NECAB3: variants seen among roughly 807,000 people sequenced by gnomAD.
NECAB3 encodes the protein N-terminal EF-hand calcium-binding protein 3.
In NECAB3, 38 loss-of-function variants were observed where a neutral mutation model predicts 57.2. The ratio of observed to expected loss-of-function variants is 0.66; its 90% confidence interval spans 0.51 to 0.87. NECAB3 has a LOEUF of 0.87. Ranked by LOEUF, NECAB3 falls within the 40% of genes least tolerant of loss-of-function variation. The pLI is 0.00. For missense variants in NECAB3, 474 were observed against 527.5 expected, an observed-to-expected ratio of 0.90 and a Z score of 0.99; for synonymous variants, 223 against 222.6, an observed-to-expected ratio of 1.00 and a Z score of -0.02.
chr20:33,667,520 C>T (rs1366409833), intron 5 of NECAB3: 41 of 1,527,930 alleles, frequency 2.7e-5, no homozygotes, highest in Non-Finnish European at 3.3e-5. Context: ...GCGTTGCTGG[C>T]GCTCTGCTCC....
At chr20:33,669,992 T>G (rs1476231435) in intron 3 of NECAB3, among the ~76,000 whole-genome samples, 2 of 152,038 alleles carry the variant, frequency 1.3e-5, no homozygotes, top group Non-Finnish European at 2.9e-5. Flanking sequence ...CACAGGCCAG[T>G]GAGAAGTGGT....
intron 7 of NECAB3, 62 bp downstream of exon 7, chr20:33,659,823 C>G (rs540551906): frequency 6.5e-7 from 1 of 1,533,388 alleles, no homozygotes; most frequent in South Asian, 1.2e-5. Flanking sequence ...GGAGCGGGCC[C>G]TGGGGGAAGG....
intron 3 of NECAB3, chr20:33,670,253 C>T (rs1430106270): frequency 4.5e-5 from 8 of 179,432 alleles, no homozygotes; most frequent in Admixed American, 1.1e-4. Context: ...GGAGTAACAG[C>T]GGTTCATGCG....
At chr20:33,667,690 C>G in intron 5 of NECAB3, 1 of 1,612,120 alleles carries the variant, frequency 6.2e-7, no homozygotes, top group Non-Finnish European at 8.5e-7. Context: ...GGCGGCGAAC[C>G]CTGACCTCTT....
chr20:33,673,203 C>T (rs1253605286), intron 1 of NECAB3, among the ~76,000 whole-genome samples: 1 of 152,152 alleles, frequency 6.6e-6, no homozygotes, highest in Non-Finnish European at 1.5e-5. Context: ...CCAGGTCACC[C>T]AAAGCAGCCC....
At chr20:33,671,395 G>A (rs748255174) in intron 2 of NECAB3, among the ~76,000 whole-genome samples, 12 of 152,100 alleles carry the variant, frequency 7.9e-5, no homozygotes, top group Non-Finnish European at 1.3e-4. Flanking sequence ...AGATGGGTGC[G>A]GGGAGCTGAC....
intron 5 of NECAB3, chr20:33,667,545 C>A: frequency 6.5e-7 from 1 of 1,546,082 alleles, no homozygotes; most frequent in Non-Finnish European, 8.7e-7. Flanking sequence ...GCGCGTTCAG[C>A]GGGCTGGCCG....
chr20:33,667,612 C>G (rs1478443431), intron 5 of NECAB3: 1 of 1,592,160 alleles, frequency 6.3e-7, no homozygotes, highest in African/African-American at 1.3e-5. Flanking sequence ...TCACTCGTGG[C>G]ACCAGGCCAC....
intron 5 of NECAB3, chr20:33,663,357 C>A (rs966925278): frequency 6.2e-6 from 4 of 649,734 alleles, no homozygotes; most frequent in Admixed American, 3.5e-5. Context: ...CGGGCTTCCC[C>A]GCGGCCTGAA....
At position 33,674,378 on chromosome 20, in the gene NECAB3, C is replaced by T. The variant is rs2017905879; in HGVS notation, c.-26G>A. On this transcript the variant is annotated 5_prime_UTR_variant, in exon 1 of 12. Coordinates refer to ENST00000246190, the MANE Select transcript of NECAB3 (RefSeq NM_031232.4). ...GGCGCCGCCACCCGCTCGGGCTCGG[C>T]TGCGGTTGCTGCCGACCCTGGACGC... The T allele has an allele frequency of 3.5e-6, 4 of 1,158,076 alleles. No individual in the cohort carries two copies. Among genetic ancestry groups the T allele is most frequent in the Non-Finnish European group, 4.3e-6 (4 of 940,832 alleles). The allele number at this position is 1,158,076 out of a possible 1,614,324, so 71.7% of individuals were successfully genotyped here. A position where few individuals can be genotyped will look rare whatever the true frequency, so the allele number is the denominator to read the frequency against.
chr20:33,663,686 C>T (rs778877884), intron 5 of NECAB3: 1 of 1,584,144 alleles, frequency 6.3e-7, no homozygotes, highest in Admixed American at 1.8e-5. Flanking sequence ...CCGAGGATGC[C>T]GGTACTGCTG....
intron 5 of NECAB3, chr20:33,668,080 C>T: frequency 6.3e-7 from 1 of 1,589,108 alleles, no homozygotes; most frequent in Non-Finnish European, 8.6e-7. Flanking sequence ...CTACGCGGCC[C>T]TGCGGCCCCA....
In NECAB3 at chr20:33,659,970, C is replaced by G. The variant is rs201576067; in HGVS notation, c.558G>C (p.Arg186Ser). The change falls in exon 7 of 12, where the codon AGG becomes AGC. Residue 186 changes from arginine (R) to serine (S), a missense_variant. Transcript: ENST00000246190. ...SDAESVEAQSRLCGSRRAGRR... is the reference protein window; with the variant it reads ...SDAESVEAQSSLCGSRRAGRR... ...GTCCTGCCCGCCGGCTGCCGCAGAG[C>G]CTGCTCTGCGCCTCCACGCTCTCTG... The G allele has an allele frequency of 1.7e-4, 272 of 1,564,466 alleles. 2 individuals carry two copies. Among genetic ancestry groups the G allele is most frequent in the Non-Finnish European group, 2.3e-4 (263 of 1,157,456 alleles).
At chr20:33,658,331 T>G in intron 10 of NECAB3, 146 bp downstream of exon 10, 1 of 840,272 alleles carries the variant, frequency 1.2e-6, no homozygotes, top group Non-Finnish European at 1.9e-6. Context: ...TCACTTCCAT[T>G]TTGGAAAGGA....
chr20:33,667,576 T>TGCCAC (rs1339606082), intron 5 of NECAB3: 6 of 1,561,138 alleles, frequency 3.8e-6, no homozygotes, highest in East Asian at 4.8e-5. Context: ...CGCGGGCGTG[T>TGCCAC]GCCACGCCAC....
intron 5 of NECAB3, chr20:33,667,320 C>A: frequency 1.3e-6 from 1 of 794,296 alleles, no homozygotes; most frequent in Non-Finnish European, 1.7e-6. Flanking sequence ...TCAAGCACGG[C>A]GTGGTGGCGG....
intron 5 of NECAB3, chr20:33,668,039 A>C (rs1263086020): frequency 4.5e-6 from 7 of 1,550,826 alleles, no homozygotes. Context: ...CGCCTGGACA[A>C]GGAGCTGGAG....
intron 3 of NECAB3, chr20:33,670,417 G>T: frequency 2.5e-6 from 1 of 401,504 alleles, no homozygotes; most frequent in East Asian, 4.4e-5. Context: ...GGCATCCTCT[G>T]GTCCCTGTGG....
intron 2 of NECAB3, among the ~76,000 whole-genome samples, chr20:33,671,042 C>A (rs1050420517): frequency 1.3e-5 from 2 of 152,234 alleles, no homozygotes; most frequent in African/African-American, 4.8e-5. Context: ...ATGTACATAG[C>A]GTTGGGTAGG....
Sources: gnomAD v4.1 joint callset for allele counts (sites outside exome capture counted in the v4.1 genomes callset) on GRCh38, gnomAD v4.1.1 for gene constraint, MANE v1.5 for transcripts, NCBI Gene and HGNC (gene_info 2026-07-23, HGNC 2026-07-21) for gene names.